Variants in KDM2A observed in about 807,000 individuals in gnomAD.
KDM2A encodes the protein lysine-specific demethylase 2A.
KDM2A carries 3 observed loss-of-function variants against 137.3 expected under a neutral mutation model. The ratio of observed to expected loss-of-function variants is 0.02; its 90% CI spans 0.01 to 0.06. The LOEUF (loss-of-function observed/expected upper bound fraction) is 0.06. Among genes scored for constraint, KDM2A ranks in the 10% least tolerant of loss-of-function variants. The pLI is 1.00. For synonymous variants in KDM2A, 512 were observed against 541.5 expected, an observed-to-expected ratio of 0.95 and a Z score of 0.76; for missense variants, 738 against 1,510.6, an observed-to-expected ratio of 0.49 and a Z score of 8.48.
chr11:67,127,321 G>GT (rs1162858773), intron 2 of KDM2A, among the ~76,000 whole-genome samples: 6 of 151,618 alleles, frequency 4.0e-5, no homozygotes, highest in East Asian at 3.9e-4. Flanking sequence ...GGCTGGTCTG[G>GT]TTTTTTTTGC....
At chr11:67,237,668 C>T (rs1158704198) in intron 12 of KDM2A, among the ~76,000 whole-genome samples, 1 of 151,870 alleles carries the variant, frequency 6.6e-6, no homozygotes, top group Non-Finnish European at 1.5e-5. Context: ...GCAACCTAGG[C>T]CAGATGTGTT....
At chr11:67,198,270 C>G (rs1857528874) in intron 5 of KDM2A, among the ~76,000 whole-genome samples, 1 of 151,792 alleles carries the variant, frequency 6.6e-6, no homozygotes, top group Admixed American at 6.6e-5. Context: ...TGGTCCATAC[C>G]CAGAGTATGA....
intron 2 of KDM2A, among the ~76,000 whole-genome samples, chr11:67,142,503 T>C (rs1856129007): frequency 7.3e-6 from 1 of 137,116 alleles, no homozygotes; most frequent in Non-Finnish European, 1.6e-5. Flanking sequence ...ATACAGAAAT[T>C]AGCCGGGTGT....
intron 2 of KDM2A, among the ~76,000 whole-genome samples, chr11:67,151,113 A>G (rs1312146411): frequency 2.0e-5 from 3 of 152,180 alleles, no homozygotes; most frequent in African/African-American, 4.8e-5. Context: ...TGTTTGACCA[A>G]TTATGCTGAA....
At chr11:67,143,956 T>TG (rs1317407689) in intron 2 of KDM2A, among the ~76,000 whole-genome samples, 1 of 151,776 alleles carries the variant, frequency 6.6e-6, no homozygotes, top group Admixed American at 6.6e-5. Flanking sequence ...TTTTTTTTTT[T>TG]TGTGAGACGG....
intron 10 of KDM2A, among the ~76,000 whole-genome samples, chr11:67,224,822 TGC>T: frequency 7.0e-6 from 1 of 142,742 alleles, no homozygotes. Context: ...ACTTGGCAGC[TGC>T]AGCATTTTTT....
intron 15 of KDM2A, among the ~76,000 whole-genome samples, chr11:67,247,987 G>T (rs764711963): frequency 1.3e-5 from 2 of 152,174 alleles, no homozygotes; most frequent in Non-Finnish European, 2.9e-5. Context: ...GTATCTCTGT[G>T]TATTAGTTCC....
Position 67,180,220 on chromosome 11 carries a change from C to CAGT in KDM2A, c.181+5_181+7dup. The CAGT allele has an allele frequency of 6.2e-7, 1 of 1,612,962 alleles. No individual in the cohort carries two copies. The highest frequency in any genetic ancestry group is 8.5e-7 in the Non-Finnish European group (1 of 1,179,446). ...TGTTACTTTTATGGAAGGAAAAGGT[C>CAGT]AGTATTGTTTTGGTTCCAGCTTACA... On this transcript the variant is annotated splice_donor_region_variant and intron_variant, in intron 3 of 20. Coordinates refer to ENST00000529006, the MANE Select transcript of KDM2A (RefSeq NM_012308.3).
rs754046694 is a variant in KDM2A at position 67,181,852 on chromosome 11, G to A, written c.267G>A (p.Pro89=). ...KNSDGLGIKM[P]DPDFTVNDVK... ...ACTGGTGTTTGTTTCATAGAATGCCGGATCCAGACTTCACTGTGAATGATG... is the reference window on the plus strand; with the variant it reads ...ACTGGTGTTTGTTTCATAGAATGCCAGATCCAGACTTCACTGTGAATGATG... The change falls in exon 5 of 21, where the codon CCG becomes CCA. Residue 89 remains proline, a synonymous_variant. Transcript: ENST00000529006. 1.4e-5 allele frequency: 23 copies of A among 1,613,506 alleles called. No individual in the cohort carries two copies. The highest frequency in any genetic ancestry group is 1.9e-5 in the Non-Finnish European group (22 of 1,179,680).
At chr11:67,122,787 T>C (rs1470595945) in intron 2 of KDM2A, among the ~76,000 whole-genome samples, 2 of 151,892 alleles carry the variant, frequency 1.3e-5, no homozygotes, top group Non-Finnish European at 2.9e-5. Context: ...ACCATTCTCC[T>C]GCCTCAGCCT....
intron 9 of KDM2A, among the ~76,000 whole-genome samples, chr11:67,218,444 C>T (rs1331589038): frequency 3.3e-5 from 5 of 152,136 alleles, no homozygotes; most frequent in Admixed American, 3.3e-4. Flanking sequence ...GTAAACCAAG[C>T]TTATCCAACC....
At position 67,170,007 on chromosome 11, in the gene KDM2A, C is replaced by T. The variant is rs189204097; in HGVS notation, c.43-10072C>T. 2.4e-4 allele frequency among the ~76,000 whole-genome samples: 36 copies of T among 152,150 alleles called. No homozygotes were observed. The East Asian group carries it at 5.8e-3, about 24-fold the overall frequency. ...TCCTGACCTCGTGATTTGCCCACCT[C>T]GGCCTCCCAGAGCGCTGTGATTACT... On this transcript the variant is annotated intron_variant, in intron 2 of 20. Transcript: ENST00000529006.
chr11:67,135,395 T>C (rs1855950957), intron 2 of KDM2A, among the ~76,000 whole-genome samples: 1 of 152,148 alleles, frequency 6.6e-6, no homozygotes, highest in South Asian at 2.1e-4. Context: ...CTTTGAAGGA[T>C]AGGGAAATGA....
chr11:67,191,804 C>G (rs1857361063), intron 5 of KDM2A, among the ~76,000 whole-genome samples: 1 of 152,128 alleles, frequency 6.6e-6, no homozygotes. Flanking sequence ...TTTACTGCCT[C>G]TATTCAATGT....
chr11:67,142,662 C>A (rs539403367), intron 2 of KDM2A, among the ~76,000 whole-genome samples: 2 of 151,378 alleles, frequency 1.3e-5, no homozygotes, highest in Admixed American at 6.6e-5. Flanking sequence ...CGAGATTGCA[C>A]CATCGCACTC....
chr11:67,241,867 G>A (rs905882417), intron 12 of KDM2A, among the ~76,000 whole-genome samples: 1 of 152,080 alleles, frequency 6.6e-6, no homozygotes, highest in Admixed American at 6.6e-5. Context: ...TCAGGAGTTC[G>A]AGACCAGCCT....
At chr11:67,175,149 C>T (rs1208825336) in intron 2 of KDM2A, among the ~76,000 whole-genome samples, 1 of 152,118 alleles carries the variant, frequency 6.6e-6, no homozygotes, top group African/African-American at 2.4e-5. Flanking sequence ...TACTGATATC[C>T]AGGGTTACTG....
chr11:67,122,548 G>A (rs1393309164), intron 2 of KDM2A, among the ~76,000 whole-genome samples: 1 of 151,958 alleles, frequency 6.6e-6, no homozygotes, highest in African/African-American at 2.4e-5. Context: ...GGATGATCTC[G>A]ATCTGACCTC....
intron 2 of KDM2A, among the ~76,000 whole-genome samples, chr11:67,130,994 C>T (rs547932664): frequency 1.3e-3 from 202 of 152,076 alleles, no homozygotes; most frequent in African/African-American, 4.6e-3. Flanking sequence ...TCCCAGGTTT[C>T]TTCTCTCATA....
Sources: allele counts gnomAD v4.1 joint callset (sites outside exome capture counted in the v4.1 genomes callset), GRCh38; gene constraint gnomAD v4.1.1; transcripts MANE v1.5; gene names NCBI Gene and HGNC (gene_info 2026-07-23, HGNC 2026-07-21).